Variants in TXLNB observed in about 807,000 individuals in gnomAD.
TXLNB encodes the protein beta-taxilin.
A neutral mutation model predicts 57.4 loss-of-function variants in TXLNB; 37 were observed. The observed-to-expected ratio is 0.64, with a 90% CI of 0.50 to 0.85. The LOEUF (loss-of-function observed/expected upper bound fraction) is 0.85. Ranked by LOEUF, TXLNB falls within the 40% of genes least tolerant of loss-of-function variation. The pLI is 0.00. For missense variants in TXLNB, 848 were observed against 825.6 expected, an observed-to-expected ratio of 1.03 and a Z score of -0.33; for synonymous variants, 302 against 309.6, an observed-to-expected ratio of 0.98 and a Z score of 0.26.
the TXLNB span, among the ~76,000 whole-genome samples, chr6:139,205,593 G>A: frequency 1.3e-5 from 2 of 151,062 alleles, no homozygotes; most frequent in Non-Finnish European, 3.0e-5. Context: ...AGAGCTGGAA[G>A]AAAAGGCTTT....
chr6:139,166,705 C>T, the TXLNB span: 12 of 1,611,846 alleles, frequency 7.4e-6, no homozygotes, highest in South Asian at 1.1e-4. Flanking sequence ...CAAATAAGCC[C>T]CAGAAAGGCC....
In TXLNB at chr6:139,278,197, T is replaced by C. The variant is rs150349063; in HGVS notation, c.425-1276A>G. Among the ~76,000 whole-genome samples the C allele has an allele frequency of 4.2e-3, 641 of 152,254 alleles. 4 individuals are homozygous for C. Among genetic ancestry groups the C allele is most frequent in the African/African-American group, 0.015 (608 of 41,550 alleles). On this transcript the variant is annotated intron_variant, in intron 2 of 9. Coordinates refer to ENST00000358430, the MANE Select transcript of TXLNB (RefSeq NM_153235.4). The stretch of plus-strand genomic sequence containing the variant: ...CCCAGAAAAGTCCAAAGTTACATGA[T>C]TAGTGCTGGCAGAGAGAAGGCTTGA...
chr6:139,210,559 G>A, the TXLNB span, among the ~76,000 whole-genome samples: 3 of 152,184 alleles, frequency 2.0e-5, no homozygotes, highest in East Asian at 1.9e-4. Flanking sequence ...CGTGAGCGAC[G>A]CAGAAGATGG....
the TXLNB span, among the ~76,000 whole-genome samples, chr6:139,194,652 A>G: frequency 3.3e-5 from 5 of 152,196 alleles, no homozygotes; most frequent in Non-Finnish European, 7.3e-5. Flanking sequence ...CCATATTGCA[A>G]TAGACTTCCA....
chr6:139,291,187 A>G (rs778203458), intron 1 of TXLNB, among the ~76,000 whole-genome samples: 4 of 152,206 alleles, frequency 2.6e-5, no homozygotes, highest in African/African-American at 9.6e-5. Context: ...ATTTTAAGCT[A>G]TTCTAAAATG....
the TXLNB span, among the ~76,000 whole-genome samples, chr6:139,203,968 C>T: frequency 6.6e-6 from 1 of 152,150 alleles, no homozygotes; most frequent in African/African-American, 2.4e-5. Context: ...TTAGAGCAAA[C>T]TGTGCTTCTC....
At chr6:139,291,135 C>T (rs1740898777) in intron 1 of TXLNB, among the ~76,000 whole-genome samples, 1 of 152,204 alleles carries the variant, frequency 6.6e-6, no homozygotes, top group Admixed American at 6.5e-5. Context: ...CTCCCCTGAA[C>T]ACGGAGAAAG....
the TXLNB span, among the ~76,000 whole-genome samples, chr6:139,208,407 A>G: frequency 2.0e-5 from 3 of 152,184 alleles, no homozygotes; most frequent in African/African-American, 7.2e-5. Flanking sequence ...ATTCCAAAAG[A>G]TAGAGAAAGA....
chr6:139,244,834 G>A (rs1040119485), intron 8 of TXLNB, 144 bp from the exon 9 acceptor site: 2 of 633,504 alleles, frequency 3.2e-6, no homozygotes, highest in African/African-American at 3.7e-5. Context: ...AATGAAGATT[G>A]TAGCAGAGTC....
At chr6:139,176,979 C>A in the TXLNB span, 6 of 872,554 alleles carry the variant, frequency 6.9e-6, no homozygotes, top group Non-Finnish European at 1.2e-5. This position sits in a 1 kb window ranked among gnomAD's most constrained non-coding sequence, Gnocchi z 4.5. Context: ...AGCCGGTGAT[C>A]GACGTGAGGA....
At chr6:139,237,710 CT>C (rs1185238941), downstream of TXLNB, among the ~76,000 whole-genome samples, 5 of 152,110 alleles carry the variant, frequency 3.3e-5, no homozygotes, top group East Asian at 9.7e-4. Flanking sequence ...ATGTCATCAA[CT>C]GACTGTCAGT....
At chr6:139,305,153 A>G in the TXLNB span, among the ~76,000 whole-genome samples, 1 of 152,138 alleles carries the variant, frequency 6.6e-6, no homozygotes, top group Non-Finnish European at 1.5e-5. Context: ...TTCCCCCAAA[A>G]GCCTTCTCCT....
chr6:139,197,926 T>A, the TXLNB span: 1 of 152,338 alleles, frequency 6.6e-6, no homozygotes, highest in Non-Finnish European at 1.5e-5. Context: ...TCCTTTTATA[T>A]GGCATTAATC....
chr6:139,215,277 G>C, the TXLNB span, among the ~76,000 whole-genome samples: 2 of 152,160 alleles, frequency 1.3e-5, no homozygotes, highest in South Asian at 4.1e-4. Flanking sequence ...CCAAAACAGA[G>C]ATACAGACCA....
At chr6:139,182,477 A>ATTACT in the TXLNB span, among the ~76,000 whole-genome samples, 1 of 152,212 alleles carries the variant, frequency 6.6e-6, no homozygotes, top group African/African-American at 2.4e-5. Flanking sequence ...GGTGGTTTCC[A>ATTACT]TTACTTTAGA....
intron 2 of TXLNB, among the ~76,000 whole-genome samples, chr6:139,280,718 C>T (rs532660186): frequency 2.0e-5 from 3 of 152,216 alleles, no homozygotes; most frequent in South Asian, 2.1e-4. Context: ...ATTATAAATA[C>T]GTACTTGTGT....
At chr6:139,223,892 T>A in the TXLNB span, among the ~76,000 whole-genome samples, 3 of 151,280 alleles carry the variant, frequency 2.0e-5, no homozygotes, top group Admixed American at 6.6e-5. Flanking sequence ...GTGTGGCGAT[T>A]CCTCAGGGAT....
At chr6:139,227,734 C>CGTG in the TXLNB span, among the ~76,000 whole-genome samples, 1 of 152,152 alleles carries the variant, frequency 6.6e-6, no homozygotes, top group African/African-American at 2.4e-5. Flanking sequence ...CAAGCCAAAA[C>CGTG]GTGGATGAAT....
At chr6:139,295,600 C>A (rs1230450757), upstream of TXLNB, among the ~76,000 whole-genome samples, 2 of 151,600 alleles carry the variant, frequency 1.3e-5, no homozygotes, top group Non-Finnish European at 2.9e-5. Flanking sequence ...TTTACTTTAT[C>A]ATTTTTAAAT....
Sources: allele counts gnomAD v4.1 joint callset (sites outside exome capture counted in the v4.1 genomes callset), GRCh38; gene constraint gnomAD v4.1.1; non-coding constraint Gnocchi (gnomAD v3.1); transcripts MANE v1.5; gene names NCBI Gene and HGNC (gene_info 2026-07-23, HGNC 2026-07-21).